ADNP2: variants seen among roughly 807,000 people sequenced by gnomAD.
The protein encoded by ADNP2 is ADNP homeobox 2, also known as activity-dependent neuroprotector homeobox protein 2.
In ADNP2, 8 loss-of-function variants were observed where a neutral mutation model predicts 16.4. The ratio of observed to expected loss-of-function variants is 0.49; its 90% confidence interval spans 0.29 to 0.88. The LOEUF is 0.88. Ranked by LOEUF, ADNP2 falls within the 40% of genes least tolerant of loss-of-function variation. The probability of loss-of-function intolerance (pLI) is 0.09; values close to 1 mark genes in which losing one functional copy is unlikely to be tolerated. For missense variants in ADNP2, 1,397 were observed against 1,395.1 expected (o/e 1.00, Z -0.02); for synonymous variants, 637 against 545.8 (o/e 1.17, Z -2.33).
intron 2 of ADNP2, among the ~76,000 whole-genome samples, chr18:80,131,905 G>A (rs896017184): frequency 1.3e-5 from 2 of 152,080 alleles, no homozygotes; most frequent in African/African-American, 2.4e-5. Flanking sequence ...TGTAAATGAC[G>A]AGTTATAAAT....
chr18:80,138,974 C>T lies in ADNP2; in HGVS notation c.*165C>T, dbSNP rs1009436848. The T allele has an allele frequency of 5.5e-6, 3 of 540,550 alleles. No homozygotes were observed. In the African/African-American group the frequency reaches 5.9e-5, roughly 11 times the overall value. The allele number at this position is 540,550 out of a possible 1,614,324, so 33.5% of individuals were successfully genotyped here. On this transcript the variant is annotated 3_prime_UTR_variant, in exon 4 of 4. Transcript: ENST00000262198. Reference sequence around the variant, plus strand: ...TGGAGAGACCCCTGTTACCAGGAAGCCAGTAGTTATTTCACATCTATTGTT... The same window carrying T: ...TGGAGAGACCCCTGTTACCAGGAAGTCAGTAGTTATTTCACATCTATTGTT...
intron 2 of ADNP2, among the ~76,000 whole-genome samples, chr18:80,119,760 A>G (rs1314200393): frequency 6.6e-6 from 1 of 152,238 alleles, no homozygotes; most frequent in African/African-American, 2.4e-5. Context: ...AAAAATTAAC[A>G]TCTGATCAGA....
intron 2 of ADNP2, among the ~76,000 whole-genome samples, chr18:80,121,594 AAG>A (rs981007784): frequency 1.3e-3 from 203 of 152,332 alleles, no homozygotes; most frequent in African/African-American, 3.5e-3. Flanking sequence ...TTTCATATCT[AAG>A]AATCCATTGC....
chr18:80,135,705 G>C lies in ADNP2; in HGVS notation c.292G>C (p.Asp98His). The C allele has an allele frequency of 6.2e-7, 1 of 1,614,224 alleles. No individual in the cohort carries two copies. Among genetic ancestry groups the C allele is most frequent in the Non-Finnish European group, 8.5e-7 (1 of 1,180,032 alleles). The stretch of plus-strand genomic sequence containing the variant: ...GAATCATTTACATCGTTACCATGAA[G>C]ATGAAATTGACCAAGAGCTGGTGAT... The part of the protein sequence containing the change: ...FKNHLHRYHE[D>H]EIDQELVIPC... Residue 98 changes from aspartate to histidine, a missense_variant, in exon 4 of 4, where the codon GAT becomes CAT. Around this residue, in one of 3 missense-constraint regions of ADNP2, gnomAD observed 777 missense variants for 719.4 expected, o/e 1.08. Transcript: ENST00000262198.
Position 80,136,016 on chromosome 18 carries a change from C to A in ADNP2, c.603C>A (p.Asn201Lys). The change falls in exon 4 of 4, where the codon AAC becomes AAA. Residue 201 changes from asparagine (N) to lysine (K), a missense_variant. By Grantham distance (94) the Asn-to-Lys change is moderately conservative. Transcript: ENST00000262198. ...TEEMGEQPKT[N>K]DTVSIEKIPP... ...AAATGGGTGAGCAACCGAAAACTAA[C>A]GATACTGTTTCTATAGAGAAGATCC... 1 of 1,614,194 alleles carries A rather than the reference C, an allele frequency of 6.2e-7. No homozygotes were observed. Among genetic ancestry groups the A allele is most frequent in the South Asian group, 1.1e-5 (1 of 91,082 alleles).
chr18:80,135,997 G>T lies in ADNP2; in HGVS notation c.584G>T (p.Gly195Val). ...SYFGLRTEEM[G>V]EQPKTNDTVS... ...TTTGGCCTAAGAACTGAGGAAATGG[G>T]TGAGCAACCGAAAACTAACGATACT... Residue 195 changes from glycine (G) to valine (V), a missense_variant, in exon 4 of 4, where the codon GGT (glycine) becomes GTT (valine). Around this residue, in one of 3 missense-constraint regions of ADNP2, gnomAD observed 777 missense variants for 719.4 expected, o/e 1.08. Coordinates refer to ENST00000262198, the MANE Select transcript of ADNP2 (RefSeq NM_014913.4). The T allele has an allele frequency of 6.2e-7, 1 of 1,614,222 alleles. No individual in the cohort carries two copies. Among genetic ancestry groups the T allele is most frequent in the Non-Finnish European group, 8.5e-7 (1 of 1,180,042 alleles).
At chr18:80,129,685 T>G (rs1197977969) in intron 2 of ADNP2, among the ~76,000 whole-genome samples, 1 of 152,248 alleles carries the variant, frequency 6.6e-6, no homozygotes, top group East Asian at 1.9e-4. Context: ...GTTCTATGCT[T>G]CTTGTGTCAC....
chr18:80,122,717 T>C (rs2052432569), intron 2 of ADNP2, among the ~76,000 whole-genome samples: 1 of 152,260 alleles, frequency 6.6e-6, no homozygotes, highest in African/African-American at 2.4e-5. Context: ...GGTAGTTTCT[T>C]GTAGATTCTT....
At chr18:80,133,852 G>C (rs1313295239) in intron 3 of ADNP2, 1 of 151,874 alleles carries the variant, frequency 6.6e-6, no homozygotes, top group Non-Finnish European at 1.5e-5. Flanking sequence ...TTTTTTTGGG[G>C]GGACAGGGTC....
intron 2 of ADNP2, among the ~76,000 whole-genome samples, chr18:80,123,662 C>T (rs2052439641): frequency 2.6e-5 from 4 of 152,128 alleles, no homozygotes; most frequent in Non-Finnish European, 5.9e-5. Flanking sequence ...AGCCACTGTG[C>T]CTGGCCCCTC....
Position 80,138,231 on chromosome 18 carries a change from A to G in ADNP2, c.2818A>G (p.Ser940Gly). ...CGCCGTCCATTTGGTGCGCTGCAGA[A>G]GTGCTCCCAAGGACAGCAGCTCAGA... ...AIAVHLVRCR[S>G]APKDSSSDLQ... is the part of the protein sequence containing the mutation. Residue 940 changes from serine (S) to glycine (G), a missense_variant, in exon 4 of 4, where the codon AGT becomes GGT. This residue lies in a region of ADNP2 where 611 missense variants were observed against 648.7 expected (regional missense o/e 0.94). Coordinates refer to ENST00000262198, the MANE Select transcript of ADNP2 (RefSeq NM_014913.4). The G allele has an allele frequency of 6.2e-7, 1 of 1,614,174 alleles. No homozygotes were observed. Among genetic ancestry groups the G allele is most frequent in the Non-Finnish European group, 8.5e-7 (1 of 1,180,052 alleles).
intron 3 of ADNP2, chr18:80,133,828 G>A (rs183515504): frequency 1.4e-5 from 2 of 147,552 alleles, no homozygotes; most frequent in East Asian, 1.9e-4. Context: ...ATTAGTCGTT[G>A]TCAGAATTTT....
rs973865505 is a variant in ADNP2, at chr18:80,136,380, C to A, written c.967C>A (p.Pro323Thr). 1 of 1,614,222 alleles carries A rather than the reference C, an allele frequency of 6.2e-7. No homozygotes were observed. The highest frequency in any genetic ancestry group is 8.5e-7 in the Non-Finnish European group (1 of 1,180,038). ...QGAPGSLTHSPPAAGQSHMTL... is the reference protein window; with the variant it reads ...QGAPGSLTHSTPAAGQSHMTL... Reference sequence around the variant, plus strand: ...TGCCCCTGGAAGCCTCACTCATTCCCCCCCTGCTGCTGGCCAATCCCACAT... The same window carrying A: ...TGCCCCTGGAAGCCTCACTCATTCCACCCCTGCTGCTGGCCAATCCCACAT... The change falls in exon 4 of 4, where the codon CCC becomes ACC. Residue 323 changes from proline (P) to threonine (T), a missense_variant. Pro to Thr is a conservative substitution (Grantham distance 38). Transcript: ENST00000262198.
rs778054808 is a variant in ADNP2 at position 80,137,340 on chromosome 18, C to T, written c.1927C>T (p.Leu643Phe). 1 of 1,614,010 alleles carries T rather than the reference C, an allele frequency of 6.2e-7. No homozygotes were observed. The stretch of plus-strand genomic sequence containing the variant: ...CGCTCCGCCCCAGATGCCCATCCAG[C>T]TCCTGCCGTCAGGTGCAGCTGCACC... ...TVAPPQMPIQ[L>F]LPSGAAAPMA... Residue 643 changes from leucine to phenylalanine, a missense_variant, in exon 4 of 4, where the codon CTC (leucine) becomes TTC (phenylalanine). Coordinates refer to ENST00000262198, the MANE Select transcript of ADNP2 (RefSeq NM_014913.4). The surrounding 1 kb of genome is among the most constrained non-coding windows in gnomAD (Gnocchi z 4.2).
At chr18:80,112,735 A>G (rs1335881799) in intron 1 of ADNP2, among the ~76,000 whole-genome samples, 1 of 152,224 alleles carries the variant, frequency 6.6e-6, no homozygotes, top group Admixed American at 6.5e-5. Context: ...GCTTACATGA[A>G]TCAGCCAATC....
chr18:80,136,663 GTGTT>G lies in ADNP2; in HGVS notation c.1251_1254del (p.Val418PhefsTer3). ...CCCATAAACAGACCTGTTGGGCCTG[GTGTT>G]CTTCCTGTGAGCCCCTCTGTCACCC... On this transcript the variant is annotated frameshift_variant, in exon 4 of 4. Coordinates refer to ENST00000262198, the MANE Select transcript of ADNP2 (RefSeq NM_014913.4). LOFTEE classifies it low-confidence loss of function (END_TRUNC). 6.2e-7 allele frequency: 1 copy of G among 1,613,592 alleles called. No individual in the cohort carries two copies. The highest frequency in any genetic ancestry group is 8.5e-7 in the Non-Finnish European group (1 of 1,179,650).
chr18:80,137,461 C>A lies in ADNP2; in HGVS notation c.2048C>A (p.Thr683Lys), dbSNP rs1394221437. Residue 683 changes from threonine to lysine, a missense_variant, in exon 4 of 4, where the codon ACA becomes AAA. Coordinates refer to ENST00000262198, the MANE Select transcript of ADNP2 (RefSeq NM_014913.4). The surrounding 1 kb of genome is among the most constrained non-coding windows in gnomAD (Gnocchi z 4.2). Reference sequence around the variant, plus strand: ...CAGGCCTCCTCCTCTGCAGCAGACACAAACCAGGTGCTCAAACAGGCCAAG... The same window carrying A: ...CAGGCCTCCTCCTCTGCAGCAGACAAAAACCAGGTGCTCAAACAGGCCAAG... ...FVQASSSAAD[T>K]NQVLKQAKQW... 1.2e-6 allele frequency: 2 copies of A among 1,614,238 alleles called. No individual in the cohort carries two copies. The highest frequency in any genetic ancestry group is 3.3e-5 in the Admixed American group (2 of 60,034).
At chr18:80,114,727 G>A (rs1169953556) in intron 1 of ADNP2, among the ~76,000 whole-genome samples, 1 of 152,180 alleles carries the variant, frequency 6.6e-6, no homozygotes, top group Non-Finnish European at 1.5e-5. Context: ...CTCTGGGTCA[G>A]TTCTATTCAG....
chr18:80,129,590 T>A (rs762108005), intron 2 of ADNP2, among the ~76,000 whole-genome samples: 1 of 152,180 alleles, frequency 6.6e-6, no homozygotes, highest in Non-Finnish European at 1.5e-5. Flanking sequence ...TAGTCCCCTG[T>A]CCCCTGAGCT....
Sources: allele counts gnomAD v4.1 joint callset (sites outside exome capture counted in the v4.1 genomes callset), GRCh38; gene constraint gnomAD v4.1.1; regional missense constraint gnomAD v4.1.1; non-coding constraint Gnocchi (gnomAD v3.1); transcripts MANE v1.5; gene names NCBI Gene and HGNC (gene_info 2026-07-23, HGNC 2026-07-21).